PCDHGA3: variants seen among roughly 807,000 people sequenced by gnomAD.
PCDHGA3 encodes protocadherin gamma subfamily A, 3, also known as protocadherin gamma-A3.
PCDHGA3 carries 40 observed loss-of-function variants against 58.5 expected under a neutral mutation model. That is an observed-to-expected ratio of 0.68 (90% CI 0.53 to 0.89). PCDHGA3 has a LOEUF of 0.89. PCDHGA3 is among the 40% of genes least tolerant of loss of function. The pLI, the probability that PCDHGA3 is intolerant of heterozygous loss-of-function variation, is 0.00. For synonymous variants in PCDHGA3, 530 were observed against 525.7 expected (o/e 1.01, Z -0.11); for missense variants, 1,223 against 1,195.9 (o/e 1.02, Z -0.33).
intron 1 of PCDHGA3, chr5:141,418,882 C>G: frequency 1.2e-6 from 2 of 1,613,960 alleles, no homozygotes; most frequent in Non-Finnish European, 1.7e-6. Flanking sequence ...TAGACGAAAA[C>G]GACAACAGCC....
rs2099750571 is a variant in PCDHGA3, at chr5:141,493,878, T to A, written c.2425-929T>A. On this transcript the variant is annotated intron_variant, in intron 1 of 3. Coordinates refer to ENST00000253812, the MANE Select transcript of PCDHGA3 (RefSeq NM_018916.4). This position sits in a 1 kb window ranked among gnomAD's most constrained non-coding sequence, Gnocchi z 4.3. ...GCCCACCCCAGAACCAGTGAGGAGG[T>A]GGCTCTAGGAGTGCTCCATGAGAGT... is the stretch of plus-strand genomic sequence containing the variant. 6.6e-6 allele frequency among the ~76,000 whole-genome samples: 1 copy of A among 152,072 alleles called. No homozygotes were observed. The highest frequency in any genetic ancestry group is 6.6e-5 in the Admixed American group (1 of 15,264).
In PCDHGA3 at chr5:141,357,431, A is replaced by G. The variant is rs780395182; in HGVS notation, c.2424+10974A>G. 15 of 1,614,198 alleles carry G rather than the reference A, an allele frequency of 9.3e-6. No homozygotes were observed. Among genetic ancestry groups the G allele is most frequent in the Non-Finnish European group, 1.2e-5 (14 of 1,180,042 alleles). On this transcript the variant is annotated intron_variant, in intron 1 of 3. Transcript: ENST00000253812. The stretch of plus-strand genomic sequence containing the variant: ...CCTGCCTCGCACTTTGTGGGCGTGG[A>G]CGGGGTTCGGGCTTTCCTGCAGACC...
At chr5:141,366,414 T>A (rs1294202579) in intron 1 of PCDHGA3, 1 of 1,614,124 alleles carries the variant, frequency 6.2e-7, no homozygotes, top group African/African-American at 1.3e-5. Context: ...TATCTTGTGG[T>A]GGCAGTGGCT....
intron 1 of PCDHGA3, chr5:141,394,616 C>T (rs2093043198): frequency 1.2e-6 from 2 of 1,613,490 alleles, no homozygotes; most frequent in East Asian, 2.2e-5. Flanking sequence ...CGGGCCAGAA[C>T]GCCTGGCTGT....
In PCDHGA3 at chr5:141,476,506, C is replaced by T; in HGVS notation, c.2425-18301C>T. 1 of 1,614,068 alleles carries T rather than the reference C, an allele frequency of 6.2e-7. No homozygotes were observed. ...AAGTGGTGATCCAGGACATCAACGA[C>T]AACAATCCTGCTTTCCCTACCCAGG... On this transcript the variant is annotated intron_variant, in intron 1 of 3. Transcript: ENST00000253812. This position sits in a 1 kb window ranked among gnomAD's most constrained non-coding sequence, Gnocchi z 7.6.
Position 141,477,704 on chromosome 5 carries a change from C to T in PCDHGA3, c.2425-17103C>T, listed in dbSNP as rs772195653. 30 of 1,613,968 alleles carry T rather than the reference C, an allele frequency of 1.9e-5. No homozygotes were observed. Among genetic ancestry groups the T allele is most frequent in the Admixed American group, 6.7e-5 (4 of 60,026 alleles). On this transcript the variant is annotated intron_variant, in intron 1 of 3. Transcript: ENST00000253812. This position sits in a 1 kb window ranked among gnomAD's most constrained non-coding sequence, Gnocchi z 4.9. Reference sequence around the variant, plus strand: ...CTTAGTGCCCCTAGACTATGAGGATCGGCGGGAATTTGAATTAACAGCTCA... The same window carrying T: ...CTTAGTGCCCCTAGACTATGAGGATTGGCGGGAATTTGAATTAACAGCTCA...
chr5:141,423,092 A>T (rs2096708373), intron 1 of PCDHGA3: 5 of 1,613,952 alleles, frequency 3.1e-6, no homozygotes, highest in South Asian at 2.2e-5. Flanking sequence ...GCGGTGGGGG[A>T]GCACACGGGC....
chr5:141,410,238 C>CA, intron 1 of PCDHGA3: 1 of 1,614,046 alleles, frequency 6.2e-7, no homozygotes, highest in Non-Finnish European at 8.5e-7. Context: ...AGCGACCGCC[C>CA]TGTACTCTCT....
intron 1 of PCDHGA3, among the ~76,000 whole-genome samples, chr5:141,465,407 A>G (rs1019401245): frequency 6.6e-6 from 1 of 152,218 alleles, no homozygotes; most frequent in African/African-American, 2.4e-5. Flanking sequence ...AGAAGAAGCC[A>G]AATCAGCACT....
At chr5:141,376,974 A>T (rs1055212132) in intron 1 of PCDHGA3, 1 of 158,030 alleles carries the variant, frequency 6.3e-6, no homozygotes, top group Non-Finnish European at 1.4e-5. Context: ...GGCGTGAGCC[A>T]CCGCGCCCGG....
chr5:141,394,701 C>T lies in PCDHGA3; in HGVS notation c.2424+48244C>T, dbSNP rs375281416. Reference sequence around the variant, plus strand: ...GCACACGGGCGAGGTGCGCACGGCGCGAGCCCTGCTGGACAGAGATGCGCT... The same window carrying T: ...GCACACGGGCGAGGTGCGCACGGCGTGAGCCCTGCTGGACAGAGATGCGCT... On this transcript the variant is annotated intron_variant, in intron 1 of 3. Coordinates refer to ENST00000253812, the MANE Select transcript of PCDHGA3 (RefSeq NM_018916.4). The T allele has an allele frequency of 1.0e-4, 163 of 1,613,044 alleles. 1 individual carries two copies. The highest frequency in any genetic ancestry group is 1.3e-4 in the Non-Finnish European group (159 of 1,179,888).
Position 141,370,001 on chromosome 5 carries a change from T to G in PCDHGA3, c.2424+23544T>G, listed in dbSNP as rs371025652. Among the ~76,000 whole-genome samples the G allele has an allele frequency of 8.5e-5, 13 of 152,322 alleles. No homozygotes were observed. The South Asian group carries it at 2.5e-3, about 29-fold the overall frequency. On this transcript the variant is annotated intron_variant, in intron 1 of 3. Transcript: ENST00000253812. ...TGATTTGGATGGATAAAGCTCAAATTAAAAGAAATAACAGACTAAAGATAT... is the reference window on the plus strand; with the variant it reads ...TGATTTGGATGGATAAAGCTCAAATGAAAAGAAATAACAGACTAAAGATAT...
intron 1 of PCDHGA3, chr5:141,421,414 C>A (rs2096570568): frequency 1.9e-6 from 3 of 1,614,066 alleles, no homozygotes; most frequent in South Asian, 2.2e-5. Flanking sequence ...GCTGGCGAAG[C>A]GCGGAGTCCG....
chr5:141,487,623 C>T lies in PCDHGA3; in HGVS notation c.2425-7184C>T, dbSNP rs2099654624. On this transcript the variant is annotated intron_variant, in intron 1 of 3. Coordinates refer to ENST00000253812, the MANE Select transcript of PCDHGA3 (RefSeq NM_018916.4). This position sits in a 1 kb window ranked among gnomAD's most constrained non-coding sequence, Gnocchi z 5.0. The stretch of plus-strand genomic sequence containing the variant: ...CTTCTCTATGGGCTAGAGGTGAGAC[C>T]TTTGCAGGCTCAACAAATGCTTGAG... 6.2e-7 allele frequency: 1 copy of T among 1,614,088 alleles called. No individual in the cohort carries two copies. The highest frequency in any genetic ancestry group is 1.3e-5 in the African/African-American group (1 of 74,930).
At chr5:141,371,899 C>A in intron 1 of PCDHGA3, 1 of 1,613,414 alleles carries the variant, frequency 6.2e-7, no homozygotes, top group Non-Finnish European at 8.5e-7. Flanking sequence ...CGGGAGCTGT[C>A]GTCCTACGTG....
At chr5:141,356,451 AT>A in intron 1 of PCDHGA3, 1 of 1,613,212 alleles carries the variant, frequency 6.2e-7, no homozygotes, top group Non-Finnish European at 8.5e-7. Flanking sequence ...AAGTCTCAGA[AT>A]ATAACATCAC....
chr5:141,420,492 TC>T (rs1172385190), intron 1 of PCDHGA3: 8 of 508,012 alleles, frequency 1.6e-5, no homozygotes, highest in Non-Finnish European at 1.8e-5. Flanking sequence ...ATGGGTAATC[TC>T]CGGTGACATT....
At chr5:141,422,201 G>A in intron 1 of PCDHGA3, 1 of 1,562,386 alleles carries the variant, frequency 6.4e-7, no homozygotes, top group Non-Finnish European at 8.6e-7. Context: ...GGCCAAGATG[G>A]TGGAGGTCTC....
At chr5:141,450,815 A>ATAT (rs1420984335) in intron 1 of PCDHGA3, among the ~76,000 whole-genome samples, 2,245 of 126,710 alleles carry the variant, frequency 0.018, 73 homozygotes, top group African/African-American at 0.063. Flanking sequence ...TATTTATTTA[A>ATAT]TATTATTATT....
Sources: gnomAD v4.1 joint callset for allele counts (sites outside exome capture counted in the v4.1 genomes callset) on GRCh38, gnomAD v4.1.1 for gene constraint, Gnocchi (gnomAD v3.1) non-coding constraint, MANE v1.5 for transcripts, NCBI Gene and HGNC (gene_info 2026-07-23, HGNC 2026-07-21) for gene names.